Variants in SPHKAP observed in about 807,000 individuals in gnomAD.
SPHKAP encodes the protein SPHK1 interactor, AKAP domain containing.
In SPHKAP, 67 loss-of-function variants were observed where a neutral mutation model predicts 137.5. The ratio of observed to expected loss-of-function variants is 0.49; its 90% CI spans 0.40 to 0.60. The LOEUF is 0.60. Ranked by LOEUF, SPHKAP falls within the 20% of genes least tolerant of loss-of-function variation. SPHKAP has a pLI of 0.00. For synonymous variants in SPHKAP, 813 were observed against 785.3 expected (o/e 1.04, Z -0.59); for missense variants, 2,097 against 2,069.3 (o/e 1.01, Z -0.26).
Position 228,016,595 on chromosome 2 carries a change from G to A in SPHKAP, c.4259C>T (p.Ser1420Leu). 6.2e-7 allele frequency: 1 copy of A among 1,614,032 alleles called. No homozygotes were observed. Residue 1420 changes from serine to leucine, a missense_variant, in exon 7 of 12, where the codon TCA becomes TTA. Physicochemically the swap from Ser to Leu is moderately radical, Grantham distance 145. Coordinates refer to ENST00000392056, the MANE Select transcript of SPHKAP (RefSeq NM_001142644.2). ...DPVPINHKRR[S>L]LCSREVPLIQ... ...CAAAGGCACTTCCCTCGAGCAAAGT[G>A]ATCGCCTTTTGTGGTTTATTGGTAC...
chr2:228,062,312 A>T (rs527497180), intron 3 of SPHKAP, among the ~76,000 whole-genome samples: 1 of 152,118 alleles, frequency 6.6e-6, no homozygotes, highest in South Asian at 2.1e-4. Flanking sequence ...TTTAGTACAG[A>T]CAGTGTTTCA....
At chr2:228,080,634 G>A (rs529418760) in intron 3 of SPHKAP, among the ~76,000 whole-genome samples, 1 of 152,196 alleles carries the variant, frequency 6.6e-6, no homozygotes, top group East Asian at 1.9e-4. Flanking sequence ...TTAAACCCAG[G>A]AGGCAGAGGT....
chr2:228,172,273 G>T (rs1000022879), intron 1 of SPHKAP, among the ~76,000 whole-genome samples: 1 of 152,090 alleles, frequency 6.6e-6, no homozygotes, highest in Admixed American at 6.6e-5. Context: ...CTATGAAATG[G>T]GCAATGTGTG....
At chr2:228,156,270 G>C (rs975654193) in intron 1 of SPHKAP, among the ~76,000 whole-genome samples, 1 of 152,070 alleles carries the variant, frequency 6.6e-6, no homozygotes, top group Non-Finnish European at 1.5e-5. Context: ...TAATGTACTG[G>C]CTCAATTCTT....
chr2:228,035,259 C>T (rs1695541654), intron 3 of SPHKAP, among the ~76,000 whole-genome samples: 1 of 149,054 alleles, frequency 6.7e-6, no homozygotes, highest in East Asian at 2.0e-4. Flanking sequence ...AGAGCCAAAT[C>T]ATGAGTGAAC....
intron 1 of SPHKAP, among the ~76,000 whole-genome samples, chr2:228,180,981 C>T (rs6748850): frequency 0.088 from 13,315 of 151,962 alleles, 1,936 homozygotes; most frequent in African/African-American, 0.3. Flanking sequence ...CGCAGACTGG[C>T]AGGGGGTGTG....
At chr2:228,135,293 A>AAT (rs11444460) in intron 1 of SPHKAP, among the ~76,000 whole-genome samples, 1 of 150,720 alleles carries the variant, frequency 6.6e-6, no homozygotes. Flanking sequence ...AAAAAAAAAA[A>AAT]GCAAAAAAGC....
At chr2:228,092,264 T>TAC (rs374208825) in intron 3 of SPHKAP, among the ~76,000 whole-genome samples, 3,025 of 144,156 alleles carry the variant, frequency 0.021, 113 homozygotes, top group African/African-American at 0.074. Context: ...TGTGTATACG[T>TAC]ACACACACAC....
At chr2:228,066,980 T>G (rs757625256) in intron 3 of SPHKAP, among the ~76,000 whole-genome samples, 3 of 152,242 alleles carry the variant, frequency 2.0e-5, no homozygotes, top group Non-Finnish European at 4.4e-5. Context: ...TTATGTTTAC[T>G]CCTTAATGTA....
intron 7 of SPHKAP, among the ~76,000 whole-genome samples, chr2:228,006,236 T>G (rs1294706712): frequency 6.6e-6 from 1 of 152,198 alleles, no homozygotes; most frequent in Non-Finnish European, 1.5e-5. Flanking sequence ...GCTTTGTTCA[T>G]TTCTCTTTAT....
At chr2:228,038,554 G>T (rs772704486) in intron 3 of SPHKAP, among the ~76,000 whole-genome samples, 20 of 152,170 alleles carry the variant, frequency 1.3e-4, no homozygotes, top group Non-Finnish European at 2.4e-4. Flanking sequence ...TGCATTCTCT[G>T]TAAAATGCCT....
intron 1 of SPHKAP, among the ~76,000 whole-genome samples, chr2:228,136,117 T>C (rs973085382): frequency 6.6e-6 from 1 of 152,172 alleles, no homozygotes; most frequent in Admixed American, 6.5e-5. Flanking sequence ...ATGAAACTCA[T>C]ACATTTATTA....
chr2:228,024,394 A>G (rs1694954431), intron 5 of SPHKAP, among the ~76,000 whole-genome samples: 1 of 151,280 alleles, frequency 6.6e-6, no homozygotes, highest in African/African-American at 2.4e-5. Flanking sequence ...AAACGGGAAT[A>G]AAATCTTCAC....
chr2:228,073,421 C>T (rs560673945), intron 3 of SPHKAP, among the ~76,000 whole-genome samples: 9 of 152,190 alleles, frequency 5.9e-5, no homozygotes, highest in South Asian at 4.2e-4. Context: ...AGTAATTATA[C>T]GGATATGTGC....
At position 228,017,203 on chromosome 2, in the gene SPHKAP, C is replaced by T. The variant is rs777225674; in HGVS notation, c.3651G>A (p.Gln1217=). The change falls in exon 7 of 12, where the codon CAG becomes CAA. Residue 1217 remains glutamine, a synonymous_variant. Coordinates refer to ENST00000392056, the MANE Select transcript of SPHKAP (RefSeq NM_001142644.2). ...GAGACAGCAGGCCGGCTGTCCAATC[C>T]TGGCTGCTCCGTCTGGAGGAGGCAC... is the stretch of plus-strand genomic sequence containing the variant. ...RESASSRRSS[Q]DWTAGLLSPS... 4 of 1,613,876 alleles carry T rather than the reference C, an allele frequency of 2.5e-6. No homozygotes were observed. In the South Asian group the frequency reaches 3.3e-5, roughly 13 times the overall value.
chr2:228,103,656 A>C (rs1272958395), intron 3 of SPHKAP, among the ~76,000 whole-genome samples: 1 of 152,218 alleles, frequency 6.6e-6, no homozygotes, highest in Non-Finnish European at 1.5e-5. Flanking sequence ...GAGTGGGTCC[A>C]GCCGAATACA....
At chr2:228,171,666 A>G (rs1401143904) in intron 1 of SPHKAP, among the ~76,000 whole-genome samples, 5 of 152,026 alleles carry the variant, frequency 3.3e-5, no homozygotes, top group African/African-American at 9.7e-5. Context: ...CTGGGTATCT[A>G]CTTCCTAGCA....
rs532773684 is a variant in SPHKAP, at chr2:228,108,984, C to A, written c.139-45G>T. The A allele has an allele frequency of 5.6e-6, 7 of 1,254,076 alleles. No homozygotes were observed. The Admixed American group carries it at 1.8e-4, about 33-fold the overall frequency. 77.7% of individuals were successfully genotyped at this position (1,254,076 alleles called of 1,614,324 possible). On this transcript the variant is annotated intron_variant, in intron 2 of 11. Coordinates refer to ENST00000392056, the MANE Select transcript of SPHKAP (RefSeq NM_001142644.2). ...CTCAGTTCTTATTCGGCAATCCTTT[C>A]TATCTAAACAGCAGCTCTCTCTCTT...
intron 7 of SPHKAP, among the ~76,000 whole-genome samples, chr2:228,012,223 T>C (rs532929707): frequency 6.6e-6 from 1 of 151,848 alleles, no homozygotes; most frequent in Non-Finnish European, 1.5e-5. Flanking sequence ...GCATTGTTAT[T>C]TATTACATTC....
Sources: allele counts gnomAD v4.1 joint callset (sites outside exome capture counted in the v4.1 genomes callset), GRCh38; gene constraint gnomAD v4.1.1; transcripts MANE v1.5; gene names NCBI Gene and HGNC (gene_info 2026-07-23, HGNC 2026-07-21).